KRT73: variants seen among roughly 807,000 people sequenced by gnomAD.
KRT73 encodes the protein keratin 73, also known as keratin, type II cytoskeletal 73.
A neutral mutation model predicts 47.2 loss-of-function variants in KRT73; 44 were observed. The ratio of observed to expected loss-of-function variants is 0.93; its 90% CI spans 0.73 to 1.20. KRT73 has a LOEUF of 1.20. Among genes scored for constraint, KRT73 ranks in the 50% most tolerant of loss-of-function variants. The probability of loss-of-function intolerance (pLI) is 0.00; values close to 1 mark genes in which losing one functional copy is unlikely to be tolerated. For synonymous variants in KRT73, 285 were observed against 291.3 expected (o/e 0.98, Z 0.22); for missense variants, 713 against 704.5 (o/e 1.01, Z -0.14).
At chr12:52,619,741 A>C (rs915369954), upstream of KRT73, among the ~76,000 whole-genome samples, 1 of 152,188 alleles carries the variant, frequency 6.6e-6, no homozygotes, top group African/African-American at 2.4e-5. Context: ...AGGGGAAGAC[A>C]TTTGAATTTC....
chr12:52,620,092 G>T (rs1307542071), upstream of KRT73, among the ~76,000 whole-genome samples: 4 of 139,022 alleles, frequency 2.9e-5, no homozygotes, highest in African/African-American at 5.3e-5. Context: ...CTAACATGAA[G>T]TTCTATTCCT....
chr12:52,623,208 C>A (rs529463235), upstream of KRT73, among the ~76,000 whole-genome samples: 2 of 152,204 alleles, frequency 1.3e-5, no homozygotes, highest in South Asian at 4.1e-4. Context: ...CTGAAAACTA[C>A]AAATAAAAAC....
intron 1 of KRT73, among the ~76,000 whole-genome samples, chr12:52,617,280 A>C (rs1191920902): frequency 6.6e-6 from 1 of 152,220 alleles, no homozygotes; most frequent in South Asian, 2.1e-4. Context: ...CTGCTTCCCA[A>C]TACCTTCCTA....
rs1350799978 is a variant in KRT73, at chr12:52,616,374, A to G, written c.454T>C (p.Phe152Leu). The change falls in exon 2 of 9, where the codon TTC becomes CTC. Residue 152 changes from phenylalanine to leucine, a missense_variant. Coordinates refer to ENST00000305748, the MANE Select transcript of KRT73 (RefSeq NM_175068.3). Reference sequence around the variant, plus strand: ...AGCACCTGGTTCTGCTGCTCCAGGAACCGCACCTGGAACCCATGCCACACA... The same window carrying G: ...AGCACCTGGTTCTGCTGCTCCAGGAGCCGCACCTGGAACCCATGCCACACA... ...KFASFIDKVR[F>L]LEQQNQVLET... 2 of 1,613,996 alleles carry G rather than the reference A, an allele frequency of 1.2e-6. No homozygotes were observed. The highest frequency in any genetic ancestry group is 1.7e-6 in the Non-Finnish European group (2 of 1,180,024).
intron 3 of KRT73, 67 bp from the exon 4 acceptor site, chr12:52,614,741 T>C: frequency 7.5e-7 from 1 of 1,330,854 alleles, no homozygotes; most frequent in Non-Finnish European, 1.0e-6. Flanking sequence ...TCCAGCGAAC[T>C]GACACCTGCA....
In KRT73 at chr12:52,618,113, C is replaced by T. The variant is rs1940845584; in HGVS notation, c.412G>A (p.Val138Met). The T allele has an allele frequency of 6.2e-7, 1 of 1,613,832 alleles. No homozygotes were observed. The highest frequency in any genetic ancestry group is 1.3e-5 in the African/African-American group (1 of 74,918). ...AAGGAGGCGAACTTGTTGTTCAGCA[C>T]CTTGATCTGCTCCCGCTCCTGGGCA... ...VRAQEREQIK[V>M]LNNKFASFID... Residue 138 changes from valine (V) to methionine (M), a missense_variant, in exon 1 of 9, where the codon GTG (valine) becomes ATG (methionine). Val to Met is a conservative substitution (Grantham distance 21). Transcript: ENST00000305748.
At chr12:52,617,007 C>T (rs1400277135) in intron 1 of KRT73, among the ~76,000 whole-genome samples, 4 of 152,220 alleles carry the variant, frequency 2.6e-5, no homozygotes, top group African/African-American at 7.2e-5. Flanking sequence ...GGTGGTTCCA[C>T]ATCACCCTCA....
Position 52,610,725 on chromosome 12 carries a change from C to T in KRT73, c.1221G>A (p.Lys407=). Residue 407 remains lysine, a synonymous_variant, in exon 7 of 9, where the codon AAG becomes AAA. Transcript: ENST00000305748. ...CGCGCAGCATCCGTGCCAGCTCCTC[C>T]TTGGCCTGCTGCAGGGCGCCCTCCA... is the stretch of plus-strand genomic sequence containing the variant. ...DELEGALQQA[K]EELARMLREY... 1 of 1,614,056 alleles carries T rather than the reference C, an allele frequency of 6.2e-7. No individual in the cohort carries two copies. The highest frequency in any genetic ancestry group is 8.5e-7 in the Non-Finnish European group (1 of 1,180,010).
rs914328891 is a variant in KRT73 at position 52,608,065 on chromosome 12, G to A, written c.*131C>T. ...ACTGAGGCAGAGAGGTCAAGGAGAAGGAGGAGAGGTCCACAGCAAAGCAAA... is the reference window on the plus strand; with the variant it reads ...ACTGAGGCAGAGAGGTCAAGGAGAAAGAGGAGAGGTCCACAGCAAAGCAAA... On this transcript the variant is annotated 3_prime_UTR_variant, in exon 9 of 9. Coordinates refer to ENST00000305748, the MANE Select transcript of KRT73 (RefSeq NM_175068.3). 25 of 930,550 alleles carry A rather than the reference G, an allele frequency of 2.7e-5. No individual in the cohort carries two copies. In the African/African-American group the frequency reaches 4.2e-4, roughly 16 times the overall value. 57.6% of individuals were successfully genotyped at this position (930,550 alleles called of 1,614,324 possible).
intron 1 of KRT73, among the ~76,000 whole-genome samples, chr12:52,617,741 C>G (rs1555167642): frequency 6.6e-6 from 1 of 152,168 alleles, no homozygotes; most frequent in Non-Finnish European, 1.5e-5. Context: ...CTCCTCTCAC[C>G]CCTCCAACCC....
At chr12:52,623,171 A>G (rs944938445), upstream of KRT73, among the ~76,000 whole-genome samples, 1 of 152,272 alleles carries the variant, frequency 6.6e-6, no homozygotes, top group Non-Finnish European at 1.5e-5. Flanking sequence ...AAAGAAATTC[A>G]TACCTAGACA....
upstream of KRT73, among the ~76,000 whole-genome samples, chr12:52,623,432 C>T (rs1184570474): frequency 6.6e-6 from 1 of 152,084 alleles, no homozygotes; most frequent in Non-Finnish European, 1.5e-5. Flanking sequence ...TGAAGAAAAA[C>T]TAAGAATGTG....
Position 52,616,261 on chromosome 12 carries a change from GT to G in KRT73, c.566del (p.Asn189ThrfsTer14). 6.2e-7 allele frequency: 1 copy of G among 1,614,152 alleles called. No individual in the cohort carries two copies. The highest frequency in any genetic ancestry group is 8.5e-7 in the Non-Finnish European group (1 of 1,180,030). ...ACAGCGTCTCCAGCTGCTTCCGCAG[GT>G]TGCTGATGTAGCCCTCAAGGATGGG... is the stretch of plus-strand genomic sequence containing the variant. Reference protein sequence around the residue: ...LEPILEGYISNLRKQLETLSG... With the variant: ...LEPILEGYISXLRKQLETLSG... On this transcript the variant is annotated frameshift_variant, in exon 2 of 9. Coordinates refer to ENST00000305748, the MANE Select transcript of KRT73 (RefSeq NM_175068.3). LOFTEE classifies it high-confidence loss of function.
rs1404657850 is a variant in KRT73 at position 52,616,364 on chromosome 12, T to A, written c.464A>T (p.Gln155Leu). The part of the protein sequence containing the change: ...SFIDKVRFLE[Q>L]QNQVLETKWE... Reference sequence around the variant, plus strand: ...CTTGGTCTCCAGCACCTGGTTCTGCTGCTCCAGGAACCGCACCTGGAACCC... The same window carrying A: ...CTTGGTCTCCAGCACCTGGTTCTGCAGCTCCAGGAACCGCACCTGGAACCC... Residue 155 changes from glutamine to leucine, a missense_variant, in exon 2 of 9, where the codon CAG becomes CTG. By Grantham distance (113) the Gln-to-Leu change is moderately radical. Coordinates refer to ENST00000305748, the MANE Select transcript of KRT73 (RefSeq NM_175068.3). 1.2e-6 allele frequency: 2 copies of A among 1,614,056 alleles called. No homozygotes were observed. Among genetic ancestry groups the A allele is most frequent in the African/African-American group, 2.7e-5 (2 of 74,930 alleles).
chr12:52,614,936 C>A, intron 3 of KRT73: 1 of 523,614 alleles, frequency 1.9e-6, no homozygotes, highest in Non-Finnish European at 3.4e-6. Context: ...GCCAGTCATT[C>A]AGCCAACAGA....
chr12:52,619,144 C>T (rs7953588), upstream of KRT73, among the ~76,000 whole-genome samples: 26,404 of 152,236 alleles, frequency 0.17, 2,503 homozygotes, highest in African/African-American at 0.2. Context: ...AGCTCTCCTG[C>T]TCCTCTGTGC....
At position 52,611,287 on chromosome 12, in the gene KRT73, G is replaced by C. The variant is rs144353604; in HGVS notation, c.1027C>G (p.Leu343Val). 2.0e-4 allele frequency: 316 copies of C among 1,614,118 alleles called. 1 individual carries two copies. In the East Asian group the frequency reaches 6.6e-3, roughly 34 times the overall value. Residue 343 changes from leucine (L) to valine (V), a missense_variant, in exon 6 of 9, where the codon CTG becomes GTG. Transcript: ENST00000305748. ...QLAAGRHGDDLKHTKNEISEL... is the reference protein window; with the variant it reads ...QLAAGRHGDDVKHTKNEISEL... ...GAGATCTCATTTTTGGTGTGTTTCA[G>C]GTCATCCCCATGCCGGCCGGCTGCT...
chr12:52,620,113 T>TTTC (rs1383976035), upstream of KRT73, among the ~76,000 whole-genome samples: 24 of 142,846 alleles, frequency 1.7e-4, no homozygotes, highest in African/African-American at 6.0e-4. Context: ...TTTTTTCTTT[T>TTTC]TTTTTTTTTT....
In KRT73 at chr12:52,608,064, A is replaced by G. The variant is rs1940618852; in HGVS notation, c.*132T>C. 1 of 915,570 alleles carries G rather than the reference A, an allele frequency of 1.1e-6. No individual in the cohort carries two copies. Among genetic ancestry groups the G allele is most frequent in the Admixed American group, 2.5e-5 (1 of 39,510 alleles). 56.7% of individuals were successfully genotyped at this position (915,570 alleles called of 1,614,324 possible). The stretch of plus-strand genomic sequence containing the variant: ...GACTGAGGCAGAGAGGTCAAGGAGA[A>G]GGAGGAGAGGTCCACAGCAAAGCAA... On this transcript the variant is annotated 3_prime_UTR_variant, in exon 9 of 9. Transcript: ENST00000305748.
Sources: gnomAD v4.1 joint callset for allele counts (sites outside exome capture counted in the v4.1 genomes callset) on GRCh38, gnomAD v4.1.1 for gene constraint, MANE v1.5 for transcripts, NCBI Gene and HGNC (gene_info 2026-07-23, HGNC 2026-07-21) for gene names.